Variants in DACH2 observed in about 807,000 individuals in gnomAD.
DACH2 encodes dachshund homolog 2.
A neutral mutation model predicts 35.8 loss-of-function variants in DACH2; 17 were observed. The ratio of observed to expected loss-of-function variants is 0.48; its 90% CI spans 0.33 to 0.71. DACH2 has a LOEUF of 0.71. Among genes scored for constraint, DACH2 ranks in the 30% least tolerant of loss-of-function variants. DACH2 has a pLI of 0.02. For synonymous variants in DACH2, 195 were observed against 177.3 expected (o/e 1.10, Z -0.79); for missense variants, 469 against 472.7 (o/e 0.99, Z 0.07).
chrX:86,287,914 G>A (rs1458814216), intron 1 of DACH2, among the ~76,000 whole-genome samples: 4 of 111,833 alleles, frequency 3.6e-5, no homozygotes, highest in African/African-American at 1.3e-4. Flanking sequence ...CATTTGGTGA[G>A]GTCATGTTTT....
chrX:86,422,052 C>A (rs899844299), intron 2 of DACH2, among the ~76,000 whole-genome samples: 55 of 110,945 alleles, frequency 5.0e-4, no homozygotes, highest in Non-Finnish European at 3.8e-5. Context: ...GTAGGAACTA[C>A]TCAGTGAAAA....
chrX:86,664,324 A>G (rs2040642113), intron 4 of DACH2, among the ~76,000 whole-genome samples: 1 of 111,553 alleles, frequency 9.0e-6, no homozygotes, highest in South Asian at 3.8e-4. Context: ...TTATTTCTTT[A>G]GGAAGTTCAA....
intron 7 of DACH2, among the ~76,000 whole-genome samples, chrX:86,774,640 G>C (rs974666999): frequency 8.9e-6 from 1 of 111,813 alleles, no homozygotes; most frequent in Non-Finnish European, 1.9e-5. Flanking sequence ...TGAACACAAT[G>C]GTTCGGATCC....
chrX:86,218,361 T>G (rs972308031), intron 1 of DACH2, among the ~76,000 whole-genome samples: 2 of 111,919 alleles, frequency 1.8e-5, no homozygotes, highest in Non-Finnish European at 3.8e-5. Flanking sequence ...ATTTAAATAG[T>G]CTCCTCAAAA....
chrX:86,707,645 G>A (rs1432364406), intron 5 of DACH2, among the ~76,000 whole-genome samples: 1 of 110,205 alleles, frequency 9.1e-6, no homozygotes, highest in Non-Finnish European at 1.9e-5. Flanking sequence ...GCCCAGGCGC[G>A]GTGGCCCACG....
intron 1 of DACH2, among the ~76,000 whole-genome samples, chrX:86,158,213 T>C (rs1016653768): frequency 1.8e-5 from 2 of 111,621 alleles, no homozygotes; most frequent in African/African-American, 6.5e-5. Context: ...CCTTTTGGGT[T>C]CAATCCAAGG....
At chrX:86,678,527 A>T in intron 4 of DACH2, among the ~76,000 whole-genome samples, 1 of 112,385 alleles carries the variant, frequency 8.9e-6, no homozygotes, top group Non-Finnish European at 1.9e-5. Context: ...TTACAGAAAT[A>T]TCAATACTAT....
chrX:86,324,944 G>A (rs2035086101), intron 1 of DACH2, among the ~76,000 whole-genome samples: 1 of 110,044 alleles, frequency 9.1e-6, no homozygotes, highest in African/African-American at 3.3e-5. Context: ...AAAGTATTAG[G>A]ACTTGCCAAA....
At chrX:86,649,050 A>G (rs1471053065) in intron 3 of DACH2, among the ~76,000 whole-genome samples, 2 of 110,337 alleles carry the variant, frequency 1.8e-5, no homozygotes, top group Non-Finnish European at 3.8e-5. Flanking sequence ...CACCTAAATA[A>G]CTGACCTATA....
At chrX:86,515,993 G>A (rs2038460853) in intron 3 of DACH2, among the ~76,000 whole-genome samples, 1 of 112,198 alleles carries the variant, frequency 8.9e-6, no homozygotes, top group African/African-American at 3.2e-5. Flanking sequence ...AAATGTAGAG[G>A]CTAAGGTGGT....
intron 2 of DACH2, among the ~76,000 whole-genome samples, chrX:86,406,049 C>T (rs1396602660): frequency 9.0e-6 from 1 of 111,419 alleles, no homozygotes; most frequent in Non-Finnish European, 1.9e-5. Flanking sequence ...CCACTGGGCC[C>T]CTCCCATGAC....
At position 86,365,533 on chromosome X, in the gene DACH2, A is replaced by C. The variant is rs373150837; in HGVS notation, c.489-11291A>C. Among the ~76,000 whole-genome samples the C allele has an allele frequency of 3.1e-4, 35 of 111,874 alleles. No individual in the cohort carries two copies. The East Asian group carries it at 3.7e-3, about 12-fold the overall frequency. ...ATAAAAAATTCAAACTTTGTTCATG[A>C]GGATTTTAACAGTATCCGTCGGTAT... On this transcript the variant is annotated intron_variant, in intron 1 of 11. Coordinates refer to ENST00000373125, the MANE Select transcript of DACH2 (RefSeq NM_053281.3).
intron 1 of DACH2, among the ~76,000 whole-genome samples, chrX:86,370,477 G>A (rs2035870769): frequency 9.0e-6 from 1 of 111,543 alleles, no homozygotes; most frequent in East Asian, 2.8e-4. Flanking sequence ...ATCATCGACT[G>A]GAAGACATGA....
At chrX:86,814,016 G>T (rs750901409) in intron 9 of DACH2, among the ~76,000 whole-genome samples, 1 of 111,268 alleles carries the variant, frequency 9.0e-6, no homozygotes, top group African/African-American at 3.3e-5. Context: ...GGAATTTCGC[G>T]CTCCATTATA....
chrX:86,157,833 G>T (rs964645013), intron 1 of DACH2, among the ~76,000 whole-genome samples: 2 of 110,427 alleles, frequency 1.8e-5, no homozygotes, highest in African/African-American at 6.6e-5. Flanking sequence ...TTATCATATT[G>T]TTAATGCATT....
At chrX:86,619,163 A>G (rs2040041812) in intron 3 of DACH2, among the ~76,000 whole-genome samples, 1 of 112,001 alleles carries the variant, frequency 8.9e-6, no homozygotes, top group Non-Finnish European at 1.9e-5. Flanking sequence ...AATAAGAGAG[A>G]AGATGAAATA....
chrX:86,776,040 A>G (rs1440890822), intron 7 of DACH2, among the ~76,000 whole-genome samples: 1 of 111,607 alleles, frequency 9.0e-6, no homozygotes, highest in African/African-American at 3.3e-5. Flanking sequence ...CTGCCTGCTT[A>G]ATAACTATAA....
At chrX:86,697,845 TA>T (rs1276670195) in intron 5 of DACH2, among the ~76,000 whole-genome samples, 1 of 110,745 alleles carries the variant, frequency 9.0e-6, no homozygotes, top group African/African-American at 3.3e-5. Context: ...TTGACTGAAA[TA>T]AAATAACAGA....
chrX:86,680,884 C>A (rs780033126), intron 4 of DACH2, among the ~76,000 whole-genome samples: 6 of 110,004 alleles, frequency 5.5e-5, no homozygotes, highest in Non-Finnish European at 9.5e-5. Context: ...GACCCCTTGG[C>A]CTTAAGCAAT....
Sources: allele counts gnomAD v4.1 joint callset (sites outside exome capture counted in the v4.1 genomes callset), GRCh38; gene constraint gnomAD v4.1.1; transcripts MANE v1.5; gene names NCBI Gene and HGNC (gene_info 2026-07-23, HGNC 2026-07-21).